SH3PXD2B: variants seen among roughly 807,000 people sequenced by gnomAD.
SH3PXD2B encodes SH3 and PX domain-containing protein 2B.
Under a neutral mutation model 73.1 loss-of-function variants are expected in SH3PXD2B, and 37 were observed. That is an observed-to-expected ratio of 0.51 (90% CI 0.39 to 0.67). The LOEUF (loss-of-function observed/expected upper bound fraction) is 0.67, where lower values mean the gene tolerates loss of function less well. Among genes scored for constraint, SH3PXD2B ranks in the 30% least tolerant of loss-of-function variants. The probability of loss-of-function intolerance (pLI) is 0.00; values close to 1 mark genes in which losing one functional copy is unlikely to be tolerated. For missense variants in SH3PXD2B, 1,053 were observed against 1,197.8 expected (o/e 0.88, Z 1.78); for synonymous variants, 457 against 480.5 (o/e 0.95, Z 0.64).
intron 3 of SH3PXD2B, among the ~76,000 whole-genome samples, chr5:172,399,684 C>T (rs1258414389): frequency 1.3e-5 from 2 of 152,186 alleles, no homozygotes; most frequent in Admixed American, 6.5e-5. Flanking sequence ...CTAAAAATCT[C>T]ACCATTTCTA....
At chr5:172,365,158 G>C (rs980869261) in intron 6 of SH3PXD2B, among the ~76,000 whole-genome samples, 6 of 152,208 alleles carry the variant, frequency 3.9e-5, no homozygotes, top group Non-Finnish European at 8.8e-5. Context: ...GAGGAGAACA[G>C]AGGAAGAGAG....
intron 5 of SH3PXD2B, among the ~76,000 whole-genome samples, chr5:172,377,244 G>T (rs79459772): frequency 6.6e-6 from 1 of 152,058 alleles, no homozygotes; most frequent in African/African-American, 2.4e-5. Flanking sequence ...TACTCATGGC[G>T]GCCAAAACCC....
At position 172,339,442 on chromosome 5, in the gene SH3PXD2B, T is replaced by C. The variant is rs1427512012; in HGVS notation, c.1663A>G (p.Lys555Glu). The change falls in exon 13 of 13, where the codon AAG (lysine) becomes GAG (glutamate). Residue 555 changes from lysine (K) to glutamate (E), a missense_variant. Physicochemically the swap from Lys to Glu is moderately conservative, Grantham distance 56. Coordinates refer to ENST00000311601, the MANE Select transcript of SH3PXD2B (RefSeq NM_001017995.3). The surrounding 1 kb of genome is among the most constrained non-coding windows in gnomAD (Gnocchi z 6.1). ...ATCGGCAAAATCACGCCCGGAGGCT[T>C]GGGAGTGGGGCCCCGGAGCTGCTCC... ...RTEQLRGPTP[K>E]PPGVILPMMP... 4 of 1,614,068 alleles carry C rather than the reference T, an allele frequency of 2.5e-6. No homozygotes were observed. In the Admixed American group the frequency reaches 5.0e-5, roughly 20 times the overall value.
chr5:172,405,821 T>C lies in SH3PXD2B; in HGVS notation c.232+456A>G, dbSNP rs187849184. On this transcript the variant is annotated intron_variant, in intron 3 of 12. Coordinates refer to ENST00000311601, the MANE Select transcript of SH3PXD2B (RefSeq NM_001017995.3). ...ATGTAAGAATAGAAAACGAATACCA[T>C]AGTTATAGAAACAGAAAGCACTCAC... Among the ~76,000 whole-genome samples, 31 of 152,306 alleles carry C rather than the reference T, an allele frequency of 2.0e-4. No homozygotes were observed. In the East Asian group the frequency reaches 4.6e-3, roughly 23 times the overall value.
chr5:172,350,455 T>C lies in SH3PXD2B; in HGVS notation c.920A>G (p.Gln307Arg). Residue 307 changes from glutamine to arginine, a missense_variant, in exon 10 of 13, where the codon CAG becomes CGG. Gln to Arg is a conservative substitution (Grantham distance 43). Transcript: ENST00000311601. ...CTCCTTCTCCCTGCCCACCGCGTTC[T>C]GCTGCCGGGAAACACCATCCAAGTC... ...ALDLDGVSRQ[Q>R]NAVGREKELL... The C allele has an allele frequency of 6.2e-7, 1 of 1,614,148 alleles. No homozygotes were observed. Among genetic ancestry groups the C allele is most frequent in the Non-Finnish European group, 8.5e-7 (1 of 1,180,022 alleles).
intron 3 of SH3PXD2B, among the ~76,000 whole-genome samples, chr5:172,398,789 G>A (rs1758364322): frequency 1.3e-5 from 2 of 152,152 alleles, no homozygotes; most frequent in Admixed American, 1.3e-4. Flanking sequence ...ACACCATGGG[G>A]AGATTCCAAT....
intron 1 of SH3PXD2B, among the ~76,000 whole-genome samples, chr5:172,449,257 G>A (rs1759741831): frequency 6.6e-6 from 1 of 152,202 alleles, no homozygotes; most frequent in Non-Finnish European, 1.5e-5. Flanking sequence ...AGAAGGGCCT[G>A]GGATGGCCCC....
At chr5:172,348,654 C>CTATCTATCTATCTTATCTTAT (rs1440672001) in intron 10 of SH3PXD2B, among the ~76,000 whole-genome samples, 14 of 60,450 alleles carry the variant, frequency 2.3e-4, no homozygotes, top group African/African-American at 4.4e-4. Flanking sequence ...ATCTATCTAT[C>CTATCTATCTATCTTATCTTAT]CTATCTATCT....
At chr5:172,373,913 C>A in intron 5 of SH3PXD2B, 98 bp from the exon 6 acceptor site, 1 of 1,315,396 alleles carries the variant, frequency 7.6e-7, no homozygotes, top group Non-Finnish European at 1.1e-6. Context: ...TCTCCACCCC[C>A]CACAACATCA....
chr5:172,325,252 A>C (rs997876045), exon 13 of SH3PXD2B: 3 of 1,491,620 alleles, frequency 2.0e-6, no homozygotes, highest in Admixed American at 4.2e-5. Context: ...TCATGTTCAC[A>C]GCAGCAAGGA....
At chr5:172,432,323 A>G (rs2113484687) in intron 1 of SH3PXD2B, among the ~76,000 whole-genome samples, 1 of 152,342 alleles carries the variant, frequency 6.6e-6, no homozygotes, top group African/African-American at 2.4e-5. Flanking sequence ...ACCAGACAGC[A>G]TGTTAGCACA....
At chr5:172,371,292 C>G (rs1048232534) in intron 6 of SH3PXD2B, among the ~76,000 whole-genome samples, 3 of 152,160 alleles carry the variant, frequency 2.0e-5, no homozygotes, top group Non-Finnish European at 2.9e-5. Context: ...ATATGTTCCT[C>G]AAATAATTGC....
At position 172,368,889 on chromosome 5, in the gene SH3PXD2B, A is replaced by T. The variant is rs1459546719; in HGVS notation, c.427+4901T>A. Among the ~76,000 whole-genome samples the T allele has an allele frequency of 4.0e-3, 535 of 134,570 alleles. 4 individuals carry two copies. The highest frequency in any genetic ancestry group is 0.014 in the African/African-American group (471 of 33,990). 88.3% of individuals were successfully genotyped at this position (134,570 alleles called of 152,430 possible). A position where few individuals can be genotyped will look rare whatever the true frequency, so the allele number is the denominator to read the frequency against. ...TGTTTTTAAATATATAATATAAAAA[A>T]AAATATATATATATATATTTTTGAG... On this transcript the variant is annotated intron_variant, in intron 6 of 12. Coordinates refer to ENST00000311601, the MANE Select transcript of SH3PXD2B (RefSeq NM_001017995.3).
At chr5:172,378,285 G>A (rs1757864152) in intron 5 of SH3PXD2B, among the ~76,000 whole-genome samples, 1 of 152,210 alleles carries the variant, frequency 6.6e-6, no homozygotes, top group Non-Finnish European at 1.5e-5. Flanking sequence ...CCTTGCCAGG[G>A]AGAGGGCAGA....
At chr5:172,356,885 T>C (rs1424101653) in intron 8 of SH3PXD2B, 1 of 152,356 alleles carries the variant, frequency 6.6e-6, no homozygotes, top group Non-Finnish European at 1.5e-5. Context: ...CAGGAGAGCA[T>C]TACCTCTGAG....
At chr5:172,360,427 C>CT (rs1757371412) in intron 7 of SH3PXD2B, among the ~76,000 whole-genome samples, 1 of 152,214 alleles carries the variant, frequency 6.6e-6, no homozygotes, top group African/African-American at 2.4e-5. Context: ...AAGGCGGTCT[C>CT]TGAGCTCTTA....
In SH3PXD2B at chr5:172,337,572, C is replaced by T. The variant is rs2113246640; in HGVS notation, c.*797G>A. The T allele has an allele frequency of 1.0e-6, 1 of 985,572 alleles. No individual in the cohort carries two copies. Among genetic ancestry groups the T allele is most frequent in the Admixed American group, 6.1e-5 (1 of 16,288 alleles). The allele number at this position is 985,572 out of a possible 1,614,324, so 61.1% of individuals were successfully genotyped here. A position where few individuals can be genotyped will look rare whatever the true frequency, so the allele number is the denominator to read the frequency against. On this transcript the variant is annotated 3_prime_UTR_variant, in exon 13 of 13. Coordinates refer to ENST00000311601, the MANE Select transcript of SH3PXD2B (RefSeq NM_001017995.3). ...ATTCAAACAAACTTTGAGATTCTTG[C>T]TTTAGGTAGGCAAAAATGAAATGCT...
intron 1 of SH3PXD2B, among the ~76,000 whole-genome samples, chr5:172,432,737 C>T (rs1472313845): frequency 2.0e-5 from 3 of 152,042 alleles, no homozygotes; most frequent in Non-Finnish European, 2.9e-5. Context: ...GCTGGTGAAC[C>T]TCCGTTTCTA....
At chr5:172,395,017 A>G (rs1758264284) in intron 3 of SH3PXD2B, among the ~76,000 whole-genome samples, 2 of 152,130 alleles carry the variant, frequency 1.3e-5, no homozygotes, top group Admixed American at 6.5e-5. Context: ...ACAGTGGACA[A>G]ACAGACATGC....
Sources: allele counts gnomAD v4.1 joint callset (sites outside exome capture counted in the v4.1 genomes callset), GRCh38; gene constraint gnomAD v4.1.1; non-coding constraint Gnocchi (gnomAD v3.1); transcripts MANE v1.5; gene names NCBI Gene and HGNC (gene_info 2026-07-23, HGNC 2026-07-21).